MAF: variants seen among roughly 807,000 people sequenced by gnomAD.
MAF encodes the protein MAF bZIP transcription factor, also known as transcription factor Maf.
In MAF, 10 loss-of-function variants were observed where a neutral mutation model predicts 22.0. The observed-to-expected ratio is 0.45, with a 90% confidence interval of 0.28 to 0.77. The LOEUF is 0.77. Among genes scored for constraint, MAF ranks in the 30% least tolerant of loss-of-function variants. The pLI is 0.12. For missense variants in MAF, 544 were observed against 548.4 expected, an observed-to-expected ratio of 0.99 and a Z score of 0.08; for synonymous variants, 337 against 255.8, an observed-to-expected ratio of 1.32 and a Z score of -3.03.
At chr16:79,368,025 A>G in the MAF span, among the ~76,000 whole-genome samples, 1 of 152,214 alleles carries the variant, frequency 6.6e-6, no homozygotes, top group East Asian at 1.9e-4. Flanking sequence ...AAGTGCAGAA[A>G]GATCCTGGCT....
chr16:79,323,871 C>A, the MAF span, among the ~76,000 whole-genome samples: 1 of 152,214 alleles, frequency 6.6e-6, no homozygotes, highest in Admixed American at 6.5e-5. Context: ...CATGAACTTA[C>A]AGCTACCGAA....
the MAF span, among the ~76,000 whole-genome samples, chr16:79,565,152 A>G: frequency 1.3e-5 from 2 of 152,134 alleles, no homozygotes; most frequent in East Asian, 1.9e-4. Context: ...TTCTGCTACC[A>G]AAGACCCAAA....
At chr16:79,553,213 T>C in the MAF span, among the ~76,000 whole-genome samples, 1 of 152,226 alleles carries the variant, frequency 6.6e-6, no homozygotes, top group Admixed American at 6.5e-5. Flanking sequence ...GGGTCTCTTT[T>C]GAGAATGGCA....
the MAF span, among the ~76,000 whole-genome samples, chr16:79,540,628 G>A: frequency 7.9e-5 from 12 of 152,206 alleles, no homozygotes; most frequent in African/African-American, 2.4e-4. Context: ...CCACTTTGCT[G>A]GGTGTCTGCT....
chr16:79,540,783 CAT>C, the MAF span, among the ~76,000 whole-genome samples: 1 of 152,198 alleles, frequency 6.6e-6, no homozygotes, highest in Non-Finnish European at 1.5e-5. Context: ...TCTTCTCTGA[CAT>C]GTGGGGAAAA....
At chr16:79,232,704 T>A in the MAF span, among the ~76,000 whole-genome samples, 4 of 152,028 alleles carry the variant, frequency 2.6e-5, no homozygotes, top group Admixed American at 6.6e-5. Flanking sequence ...CATGATGCCC[T>A]ATGATCTGTG....
the MAF span, among the ~76,000 whole-genome samples, chr16:79,358,666 T>C: frequency 6.6e-6 from 1 of 152,330 alleles, no homozygotes; most frequent in South Asian, 2.1e-4. Flanking sequence ...GCTTTACAGA[T>C]ACCTGACATG....
chr16:79,226,445 T>A, the MAF span, among the ~76,000 whole-genome samples: 1 of 151,972 alleles, frequency 6.6e-6, no homozygotes, highest in Non-Finnish European at 1.5e-5. Context: ...GGTTGATGGG[T>A]GCAACAAACC....
At chr16:79,324,610 G>C in the MAF span, among the ~76,000 whole-genome samples, 735 of 152,158 alleles carry the variant, frequency 4.8e-3, 10 homozygotes, top group African/African-American at 0.017. Flanking sequence ...TAATTGAGTC[G>C]AAAACACCTA....
chr16:79,551,511 C>T, the MAF span, among the ~76,000 whole-genome samples: 75 of 152,234 alleles, frequency 4.9e-4, no homozygotes, highest in African/African-American at 1.7e-3. Flanking sequence ...GTGAGAAAGA[C>T]GTGGCCCTTT....
At chr16:79,209,551 C>T in the MAF span, among the ~76,000 whole-genome samples, 17 of 152,280 alleles carry the variant, frequency 1.1e-4, no homozygotes, top group Middle Eastern at 6.8e-3. Flanking sequence ...GAGCTGGATT[C>T]TCCCACCACT....
At chr16:79,409,162 T>C in the MAF span, among the ~76,000 whole-genome samples, 4 of 152,118 alleles carry the variant, frequency 2.6e-5, no homozygotes, top group Non-Finnish European at 5.9e-5. Context: ...ACAGAAACTC[T>C]TTTTAGGCGC....
At chr16:79,475,276 A>C in the MAF span, among the ~76,000 whole-genome samples, 1 of 151,384 alleles carries the variant, frequency 6.6e-6, no homozygotes, top group Admixed American at 6.6e-5. Context: ...AATAAGAAAA[A>C]ATATATATAT....
At chr16:79,280,712 T>A in the MAF span, among the ~76,000 whole-genome samples, 3 of 152,160 alleles carry the variant, frequency 2.0e-5, no homozygotes, top group African/African-American at 7.2e-5. Context: ...TGAACCCACA[T>A]CTCCATCCAC....
chr16:79,398,682 G>A, the MAF span, among the ~76,000 whole-genome samples: 1 of 143,320 alleles, frequency 7.0e-6, no homozygotes, highest in African/African-American at 2.5e-5. Flanking sequence ...GCTCTCTGAG[G>A]TCCCTACCTT....
chr16:79,341,085 A>G, the MAF span, among the ~76,000 whole-genome samples: 1 of 152,190 alleles, frequency 6.6e-6, no homozygotes, highest in Non-Finnish European at 1.5e-5. Flanking sequence ...AAGCAGGAAG[A>G]ACCAGGTGTG....
the MAF span, among the ~76,000 whole-genome samples, chr16:79,373,037 T>C: frequency 6.6e-6 from 1 of 152,186 alleles, no homozygotes; most frequent in African/African-American, 2.4e-5. Flanking sequence ...CATGGTTGCC[T>C]CACCTTTGCT....
At chr16:79,214,924 G>C in the MAF span, among the ~76,000 whole-genome samples, 1 of 150,726 alleles carries the variant, frequency 6.6e-6, no homozygotes, top group Admixed American at 6.6e-5. Context: ...TGGCCAGGCT[G>C]GTCTCGAACT....
chr16:79,581,639 G>T (rs1018811308), downstream of MAF, among the ~76,000 whole-genome samples: 1 of 151,976 alleles, frequency 6.6e-6, no homozygotes, highest in Non-Finnish European at 1.5e-5. Context: ...AATAGACTGA[G>T]AGGACTAAAA....
Sources: allele counts gnomAD v4.1 joint callset (sites outside exome capture counted in the v4.1 genomes callset), GRCh38; gene constraint gnomAD v4.1.1; transcripts MANE v1.5; gene names NCBI Gene and HGNC (gene_info 2026-07-23, HGNC 2026-07-21).